Variants in PHIP observed in about 807,000 individuals in gnomAD.
The protein encoded by PHIP is PHIP subunit of CUL4-Ring ligase complex.
Under a neutral mutation model 236.8 loss-of-function variants are expected in PHIP, and 54 were observed. That is an observed-to-expected ratio of 0.23 (90% CI 0.18 to 0.29). PHIP has a LOEUF of 0.29. Among genes scored for constraint, PHIP ranks in the 10% least tolerant of loss-of-function variants. PHIP has a pLI of 1.00. For synonymous variants in PHIP, 756 were observed against 718.9 expected, an observed-to-expected ratio of 1.05 and a Z score of -0.83; for missense variants, 1,370 against 2,190.8, an observed-to-expected ratio of 0.63 and a Z score of 7.48.
intron 4 of PHIP, among the ~76,000 whole-genome samples, chr6:79,071,176 T>C (rs898023895): frequency 2.0e-5 from 3 of 152,238 alleles, no homozygotes; most frequent in Non-Finnish European, 4.4e-5. Context: ...TTTGAGTGTG[T>C]AAGGTAAATA....
chr6:79,020,659 T>A (rs1392334171), intron 9 of PHIP, among the ~76,000 whole-genome samples: 3 of 152,216 alleles, frequency 2.0e-5, no homozygotes, highest in African/African-American at 7.2e-5. Flanking sequence ...AGGTTTTTAT[T>A]TTAGAAAGGA....
chr6:78,965,280 G>A (rs1767056356), intron 29 of PHIP, among the ~76,000 whole-genome samples: 1 of 152,078 alleles, frequency 6.6e-6, no homozygotes, highest in Non-Finnish European at 1.5e-5. Context: ...GGGGTGTGAG[G>A]CTTTATGGAA....
intron 35 of PHIP, among the ~76,000 whole-genome samples, 155 bp downstream of exon 35, chr6:78,954,659 T>C (rs1278025455): frequency 1.3e-5 from 2 of 152,152 alleles, no homozygotes; most frequent in East Asian, 1.9e-4. Context: ...TATTCAAAAT[T>C]TGGATTCTCT....
rs1230154858 is a variant in PHIP at position 79,060,813 on chromosome 6, C to A, written c.195G>T (p.Lys65Asn). The A allele has an allele frequency of 1.3e-5, 21 of 1,595,348 alleles. No homozygotes were observed. The highest frequency in any genetic ancestry group is 1.7e-5 in the Admixed American group (1 of 57,820). Residue 65 changes from lysine to asparagine, a missense_variant, in exon 5 of 40, where the codon AAG (lysine) becomes AAT (asparagine). Transcript: ENST00000275034. ...GATCAGGTGCTAAGTGTCTGTAATA[C>A]TTCACCTATTATGTAAAAGACAAAT... ...EHPRTYQNLV[K>N]YYRHLAPDHL... is the part of the protein sequence containing the mutation.
intron 19 of PHIP, among the ~76,000 whole-genome samples, chr6:78,993,592 A>G (rs545067477): frequency 3.4e-4 from 51 of 152,236 alleles, no homozygotes; most frequent in Non-Finnish European, 6.6e-4. Flanking sequence ...CTTGTGCTCC[A>G]TAAATGAAAC....
intron 17 of PHIP, among the ~76,000 whole-genome samples, chr6:79,000,850 G>A (rs1054798904): frequency 6.6e-6 from 1 of 152,024 alleles, no homozygotes; most frequent in Admixed American, 6.6e-5. Context: ...CACTACTCTA[G>A]GAGTAGCAGC....
intron 31 of PHIP, among the ~76,000 whole-genome samples, chr6:78,960,466 T>C (rs1308041834): frequency 6.6e-6 from 1 of 151,072 alleles, no homozygotes; most frequent in Admixed American, 6.6e-5. Flanking sequence ...TTTTTTTTTT[T>C]CTCTTAAACT....
intron 7 of PHIP, among the ~76,000 whole-genome samples, chr6:79,032,343 A>G (rs1471723264): frequency 6.6e-6 from 1 of 152,310 alleles, no homozygotes; most frequent in African/African-American, 2.4e-5. Flanking sequence ...ATTTCTCTGC[A>G]GCATGGAATG....
At chr6:78,967,383 T>TA in intron 27 of PHIP, among the ~76,000 whole-genome samples, 1 of 152,330 alleles carries the variant, frequency 6.6e-6, no homozygotes, top group East Asian at 1.9e-4. Context: ...CTTATGACCC[T>TA]ACACAGACTG....
intron 27 of PHIP, among the ~76,000 whole-genome samples, chr6:78,968,173 G>A (rs547720835): frequency 6.6e-6 from 1 of 152,198 alleles, no homozygotes; most frequent in South Asian, 2.1e-4. Flanking sequence ...ATCAAGTAAT[G>A]TATGTGAAAA....
intron 1 of PHIP, 46 bp downstream of exon 1, chr6:79,077,983 G>A (rs750988702): frequency 2.5e-5 from 40 of 1,602,288 alleles, no homozygotes; most frequent in Non-Finnish European, 2.5e-5. Context: ...GGGGACCGCG[G>A]GCGGAATCGC....
intron 18 of PHIP, 100 bp from the exon 19 acceptor site, chr6:78,997,697 T>C (rs1045748421): frequency 8.4e-6 from 8 of 954,510 alleles, no homozygotes; most frequent in African/African-American, 3.4e-5. Flanking sequence ...ATAAGAAACT[T>C]CATATTGTGG....
intron 15 of PHIP, among the ~76,000 whole-genome samples, chr6:79,014,697 G>A (rs1431575753): frequency 1.3e-5 from 2 of 151,728 alleles, no homozygotes; most frequent in East Asian, 3.9e-4. Context: ...CAGTGTACTT[G>A]AGTAAAATTC....
At chr6:78,978,255 C>T (rs1768255408) in intron 24 of PHIP, among the ~76,000 whole-genome samples, 2 of 151,792 alleles carry the variant, frequency 1.3e-5, no homozygotes, top group Non-Finnish European at 1.5e-5. Context: ...TTCATTTTTC[C>T]TTTAACATGT....
intron 31 of PHIP, among the ~76,000 whole-genome samples, chr6:78,961,008 A>AT (rs1256693128): frequency 6.6e-6 from 1 of 152,158 alleles, no homozygotes; most frequent in African/African-American, 2.4e-5. Flanking sequence ...AGGTCATATG[A>AT]TAAAAATTAA....
At chr6:78,948,470 T>TC (rs1652077243) in intron 35 of PHIP, among the ~76,000 whole-genome samples, 1 of 151,644 alleles carries the variant, frequency 6.6e-6, no homozygotes. Flanking sequence ...AATATGCTAT[T>TC]TTTTTTTAGC....
At chr6:79,053,333 A>T (rs977416187) in intron 6 of PHIP, among the ~76,000 whole-genome samples, 7 of 152,182 alleles carry the variant, frequency 4.6e-5, no homozygotes, top group Non-Finnish European at 8.8e-5. Context: ...AAATTAAATT[A>T]AAAATGTAGG....
chr6:79,016,749 T>TATCA, intron 12 of PHIP, 107 bp from the exon 13 acceptor site: 1 of 655,322 alleles, frequency 1.5e-6, no homozygotes, highest in South Asian at 2.3e-5. Flanking sequence ...TCTTTATTTA[T>TATCA]GCAGCATTCT....
chr6:78,961,383 A>C lies in PHIP; in HGVS notation c.3656+307T>G, dbSNP rs188227197. Among the ~76,000 whole-genome samples, 959 of 152,200 alleles carry C rather than the reference A, an allele frequency of 6.3e-3. 18 individuals carry two copies. The highest frequency in any genetic ancestry group is 0.022 in the African/African-American group (904 of 41,548). On this transcript the variant is annotated intron_variant, in intron 31 of 39. Coordinates refer to ENST00000275034, the MANE Select transcript of PHIP (RefSeq NM_017934.7). ...TGAAATACCTTGCCTTGCTTTATAA[A>C]ATACAATATAAAGACAGTGAATATC...
Sources: allele counts gnomAD v4.1 joint callset (sites outside exome capture counted in the v4.1 genomes callset), GRCh38; gene constraint gnomAD v4.1.1; transcripts MANE v1.5; gene names NCBI Gene and HGNC (gene_info 2026-07-23, HGNC 2026-07-21).